Variants in MED26 observed in about 807,000 individuals in gnomAD.
The protein encoded by MED26 is mediator of RNA polymerase II transcription subunit 26.
In MED26, 7 loss-of-function variants were observed where a neutral mutation model predicts 43.7. The ratio of observed to expected loss-of-function variants is 0.16; its 90% confidence interval spans 0.09 to 0.30. The LOEUF (loss-of-function observed/expected upper bound fraction) is 0.30, where lower values mean the gene tolerates loss of function less well. Among genes scored for constraint, MED26 ranks in the 10% least tolerant of loss-of-function variants. The pLI, the probability that MED26 is intolerant of heterozygous loss-of-function variation, is 1.00. For synonymous variants in MED26, 375 were observed against 371.1 expected, an observed-to-expected ratio of 1.01 and a Z score of -0.12; for missense variants, 784 against 840.6, an observed-to-expected ratio of 0.93 and a Z score of 0.83.
chr19:16,618,120 T>C (rs1568290419), intron 1 of MED26, among the ~76,000 whole-genome samples: 1 of 152,016 alleles, frequency 6.6e-6, no homozygotes, highest in Non-Finnish European at 1.5e-5. Context: ...GAGGCACAGA[T>C]GAGAGGAAAC....
chr19:16,603,385 T>G (rs1485962609), intron 1 of MED26, among the ~76,000 whole-genome samples: 3 of 152,050 alleles, frequency 2.0e-5, no homozygotes, highest in Non-Finnish European at 4.4e-5. Context: ...TGGGTCTCGA[T>G]CTGTGCAATG....
At chr19:16,618,442 G>C (rs965871665) in intron 1 of MED26, among the ~76,000 whole-genome samples, 1 of 152,310 alleles carries the variant, frequency 6.6e-6, no homozygotes, top group Non-Finnish European at 1.5e-5. Context: ...CTCGGACAGC[G>C]TGACAGCGAG....
At chr19:16,606,935 C>A (rs1459726161) in intron 1 of MED26, among the ~76,000 whole-genome samples, 1 of 152,236 alleles carries the variant, frequency 6.6e-6, no homozygotes, top group African/African-American at 2.4e-5. Context: ...GTTGGTCAGT[C>A]TGGTCTCAAA....
intron 1 of MED26, among the ~76,000 whole-genome samples, chr19:16,612,871 A>G (rs2086205815): frequency 6.6e-6 from 1 of 152,140 alleles, no homozygotes; most frequent in African/African-American, 2.4e-5. Flanking sequence ...TAAATTATGC[A>G]ATGTTGTCTT....
chr19:16,576,471 C>T lies in MED26; in HGVS notation c.1359G>A (p.Gln453=), dbSNP rs1375518822. 6.2e-7 allele frequency: 1 copy of T among 1,614,172 alleles called. No homozygotes were observed. The highest frequency in any genetic ancestry group is 8.5e-7 in the Non-Finnish European group (1 of 1,180,040). ...GCTTGTCCAGCTCTGTCCTGGACTG[C>T]TGCTCCATGTGCACAGGGCTGTCTG... ...VRADSPVHME[Q]QSRTELDKQE... is the part of the protein sequence containing the mutation. The change falls in exon 3 of 3, where the codon CAG becomes CAA. Residue 453 remains glutamine, a synonymous_variant. Transcript: ENST00000263390. The surrounding 1 kb of genome is among the most constrained non-coding windows in gnomAD (Gnocchi z 6.8).
intron 1 of MED26, among the ~76,000 whole-genome samples, chr19:16,623,282 T>C (rs754030789): frequency 1.3e-5 from 2 of 152,114 alleles, no homozygotes; most frequent in Non-Finnish European, 2.9e-5. Context: ...CTGGCCACAA[T>C]ATACAGAGTA....
intron 1 of MED26, among the ~76,000 whole-genome samples, chr19:16,606,192 C>G (rs2122430476): frequency 6.6e-6 from 1 of 152,336 alleles, no homozygotes; most frequent in South Asian, 2.1e-4. Flanking sequence ...TGCGGTGACT[C>G]TTGAATCTCA....
chr19:16,597,550 C>A, intron 1 of MED26: 1 of 398,176 alleles, frequency 2.5e-6, no homozygotes, highest in South Asian at 1.3e-4. Context: ...CAAAGTTTGC[C>A]ATCGGAAAAT....
chr19:16,609,253 A>G (rs2086187829), intron 1 of MED26, among the ~76,000 whole-genome samples: 1 of 143,770 alleles, frequency 7.0e-6, no homozygotes, highest in African/African-American at 2.6e-5. Context: ...TGGAGGTTGC[A>G]GCGAGCGGAG....
At chr19:16,598,744 A>G (rs2086134404) in intron 1 of MED26, among the ~76,000 whole-genome samples, 1 of 152,150 alleles carries the variant, frequency 6.6e-6, no homozygotes, top group Non-Finnish European at 1.5e-5. Flanking sequence ...CACTTCTGAC[A>G]CTGGCGCATC....
intron 1 of MED26, among the ~76,000 whole-genome samples, chr19:16,621,768 C>G (rs139969063): frequency 5.1e-4 from 78 of 152,274 alleles, no homozygotes; most frequent in Non-Finnish European, 9.8e-4. Flanking sequence ...TCAGCTCTGA[C>G]AATAATCCAC....
At position 16,627,882 on chromosome 19, in the gene MED26, G is replaced by C; in HGVS notation, c.62C>G (p.Pro21Arg). Residue 21 changes from proline to arginine, a missense_variant, in exon 1 of 3, where the codon CCC (proline) becomes CGC (arginine). By Grantham distance (103) the Pro-to-Arg change is moderately radical (BLOSUM62 -2). Coordinates refer to ENST00000263390, the MANE Select transcript of MED26 (RefSeq NM_004831.5). ...GCGGCGGGTACTTACGTTGCTCTGG[G>C]GGTCGATGGCCTGCAGCAGCCGGTC... is the stretch of plus-strand genomic sequence containing the variant. ...IRDRLLQAID[P>R]QSNIRNMVAV... The C allele has an allele frequency of 6.7e-7, 1 of 1,498,570 alleles. No individual in the cohort carries two copies. The highest frequency in any genetic ancestry group is 8.9e-7 in the Non-Finnish European group (1 of 1,120,730). 92.8% of individuals were successfully genotyped at this position (1,498,570 alleles called of 1,614,324 possible). A position where few individuals can be genotyped will look rare whatever the true frequency, so the allele number is the denominator to read the frequency against.
chr19:16,576,065 C>T lies in MED26; in HGVS notation c.1765G>A (p.Gly589Arg), dbSNP rs763635097. 39 of 1,613,572 alleles carry T rather than the reference C, an allele frequency of 2.4e-5. No individual in the cohort carries two copies. The highest frequency in any genetic ancestry group is 2.9e-5 in the Non-Finnish European group (34 of 1,179,968). Reference sequence around the variant, plus strand: ...ACATAAGGCAGAATGTTCAAGCGCCCGTCGTCGCCGTGCGGATCGAGCGAT... The same window carrying T: ...ACATAAGGCAGAATGTTCAAGCGCCTGTCGTCGCCGTGCGGATCGAGCGAT... Reference protein sequence around the residue: ...CISLDPHGDDGRLNILPYVCL... With the variant: ...CISLDPHGDDRRLNILPYVCL... Residue 589 changes from glycine to arginine, a missense_variant, in exon 3 of 3, where the codon GGG becomes AGG. By Grantham distance (125) the Gly-to-Arg change is moderately radical. This residue lies in a region of MED26 where 719 missense variants were observed against 730.9 expected (regional missense o/e 0.98). Transcript: ENST00000263390. The surrounding 1 kb of genome is among the most constrained non-coding windows in gnomAD (Gnocchi z 6.8).
At chr19:16,591,689 T>C (rs2086098349) in intron 1 of MED26, among the ~76,000 whole-genome samples, 3 of 152,212 alleles carry the variant, frequency 2.0e-5, no homozygotes, top group Admixed American at 2.0e-4. Context: ...TGCAGACATC[T>C]GCAAAGTCTT....
At chr19:16,618,214 T>C (rs2086234598) in intron 1 of MED26, among the ~76,000 whole-genome samples, 1 of 152,064 alleles carries the variant, frequency 6.6e-6, no homozygotes, top group East Asian at 1.9e-4. Context: ...GGGCCACAGC[T>C]CTTGCCTGGG....
rs141132966 is a variant in MED26 at position 16,619,290 on chromosome 19, C to G, written c.72+8582G>C. Among the ~76,000 whole-genome samples, 16 of 152,336 alleles carry G rather than the reference C, an allele frequency of 1.1e-4. No individual in the cohort carries two copies. In the East Asian group the frequency reaches 3.1e-3, roughly 29 times the overall value. Reference sequence around the variant, plus strand: ...GCTTGCCTAGGCACCATGCAAGATGCACCTGGGAGGTGAATGGAGTTGGGC... The same window carrying G: ...GCTTGCCTAGGCACCATGCAAGATGGACCTGGGAGGTGAATGGAGTTGGGC... On this transcript the variant is annotated intron_variant, in intron 1 of 2. Coordinates refer to ENST00000263390, the MANE Select transcript of MED26 (RefSeq NM_004831.5).
intron 1 of MED26, among the ~76,000 whole-genome samples, chr19:16,618,283 C>T (rs1044171571): frequency 3.3e-5 from 5 of 152,064 alleles, no homozygotes; most frequent in Admixed American, 2.6e-4. Context: ...CCACCTGGAC[C>T]GCACCACCTC....
At chr19:16,623,252 C>A (rs1488179713) in intron 1 of MED26, among the ~76,000 whole-genome samples, 1 of 152,186 alleles carries the variant, frequency 6.6e-6, no homozygotes, top group African/African-American at 2.4e-5. Flanking sequence ...GAGAACACCA[C>A]GCTGCTCCTC....
intron 1 of MED26, among the ~76,000 whole-genome samples, chr19:16,596,583 T>C (rs1290159478): frequency 2.6e-5 from 4 of 152,202 alleles, no homozygotes; most frequent in African/African-American, 7.2e-5. Context: ...GTCAATGCCA[T>C]TGTTGCTCTA....
Sources: allele counts gnomAD v4.1 joint callset (sites outside exome capture counted in the v4.1 genomes callset), GRCh38; gene constraint gnomAD v4.1.1; regional missense constraint gnomAD v4.1.1; non-coding constraint Gnocchi (gnomAD v3.1); transcripts MANE v1.5; gene names NCBI Gene and HGNC (gene_info 2026-07-23, HGNC 2026-07-21).